The following AGAP3 variants were observed in gnomAD, a reference collection of about 807,000 sequenced individuals.
AGAP3 encodes the protein arf-GAP with GTPase, ANK repeat and PH domain-containing protein 3.
In AGAP3, 24 loss-of-function variants were observed where a neutral mutation model predicts 96.9. The ratio of observed to expected loss-of-function variants is 0.25; its 90% CI spans 0.18 to 0.35. The LOEUF (loss-of-function observed/expected upper bound fraction) is 0.35, where lower values mean the gene tolerates loss of function less well. Ranked by LOEUF, AGAP3 falls within the 10% of genes least tolerant of loss-of-function variation. AGAP3 has a pLI of 1.00. For synonymous variants in AGAP3, 563 were observed against 536.1 expected, an observed-to-expected ratio of 1.05 and a Z score of -0.69; for missense variants, 876 against 1,254.2, an observed-to-expected ratio of 0.70 and a Z score of 4.55.
At chr7:151,130,641 C>G (rs1239514032) in intron 10 of AGAP3, among the ~76,000 whole-genome samples, 2 of 152,106 alleles carry the variant, frequency 1.3e-5, no homozygotes, top group Non-Finnish European at 2.9e-5. Flanking sequence ...TTAGAATTCA[C>G]CCTGCAAGGC....
intron 1 of AGAP3, among the ~76,000 whole-genome samples, chr7:151,105,171 C>T (rs1798993425): frequency 6.6e-6 from 1 of 152,246 alleles, no homozygotes; most frequent in African/African-American, 2.4e-5. Flanking sequence ...TGTTCTTCCT[C>T]TGTATCCCCT....
intron 7 of AGAP3, among the ~76,000 whole-genome samples, chr7:151,119,543 A>G (rs752932442): frequency 7.2e-5 from 11 of 152,118 alleles, no homozygotes; most frequent in Admixed American, 7.2e-4. Context: ...GCCCTGGGCC[A>G]CCTCCGGCTC....
chr7:151,123,358 G>C, intron 8 of AGAP3: 2 of 1,042,924 alleles, frequency 1.9e-6, no homozygotes, highest in African/African-American at 1.7e-5. Flanking sequence ...GGGCCACGCC[G>C]ACGCGCTCGG....
intron 9 of AGAP3, among the ~76,000 whole-genome samples, chr7:151,127,852 G>A (rs1800241715): frequency 6.6e-6 from 1 of 152,180 alleles, no homozygotes; most frequent in Non-Finnish European, 1.5e-5. Context: ...GGTTTTAGGG[G>A]GCTTTTCCCC....
chr7:151,102,725 C>T (rs1281710155), intron 1 of AGAP3, among the ~76,000 whole-genome samples: 4 of 152,032 alleles, frequency 2.6e-5, no homozygotes, highest in Non-Finnish European at 5.9e-5. Context: ...AGGTGATCCT[C>T]CCACCTCAGC....
chr7:151,091,695 A>T (rs1321627658), intron 1 of AGAP3, among the ~76,000 whole-genome samples: 3 of 152,092 alleles, frequency 2.0e-5, no homozygotes, highest in Non-Finnish European at 4.4e-5. Context: ...GAACAGGAAG[A>T]CCTGTCCAGC....
chr7:151,097,358 C>T (rs921752700), intron 1 of AGAP3, among the ~76,000 whole-genome samples: 3 of 151,296 alleles, frequency 2.0e-5, no homozygotes, highest in Non-Finnish European at 4.4e-5. Flanking sequence ...TGGTGAAACC[C>T]GGCCTCTACT....
chr7:151,112,713 G>A (rs1441208350), intron 1 of AGAP3, among the ~76,000 whole-genome samples: 4 of 151,884 alleles, frequency 2.6e-5, no homozygotes, highest in Admixed American at 1.3e-4. Context: ...ATCCTCCCAC[G>A]TCAGCCTCTC....
intron 9 of AGAP3, among the ~76,000 whole-genome samples, chr7:151,124,616 G>A (rs1419536771): frequency 6.6e-6 from 1 of 152,188 alleles, no homozygotes; most frequent in African/African-American, 2.4e-5. Flanking sequence ...ATAGGCAGCC[G>A]TACTGCCAGG....
Position 151,114,917 on chromosome 7 carries a change from C to G in AGAP3, c.332-1876C>G. The G allele has an allele frequency of 2.0e-6, 2 of 989,494 alleles. No individual in the cohort carries two copies. Among genetic ancestry groups the G allele is most frequent in the Non-Finnish European group, 2.4e-6 (2 of 834,910 alleles). 61.3% of individuals were successfully genotyped at this position (989,494 alleles called of 1,614,324 possible). On this transcript the variant is annotated intron_variant, in intron 1 of 17. Coordinates refer to ENST00000397238, the MANE Select transcript of AGAP3 (RefSeq NM_031946.7). This position sits in a 1 kb window ranked among gnomAD's most constrained non-coding sequence, Gnocchi z 4.4. ...CCGCCCTGCAGGCCGCCCTCTGCGC[C>G]GCCAGTGAGCAGCCGGCGCGGCCGC... is the stretch of plus-strand genomic sequence containing the variant.
intron 1 of AGAP3, among the ~76,000 whole-genome samples, chr7:151,092,341 G>T (rs1585033682): frequency 6.6e-6 from 1 of 152,194 alleles, no homozygotes; most frequent in African/African-American, 2.4e-5. Context: ...TCCGTGTGTG[G>T]CATTGCCTAA....
intron 1 of AGAP3, chr7:151,112,214 G>C (rs1220973041): frequency 2.6e-5 from 4 of 152,222 alleles, no homozygotes; most frequent in Non-Finnish European, 5.9e-5. Context: ...AGTTTTCTGG[G>C]GAAAAGGACT....
intron 7 of AGAP3, among the ~76,000 whole-genome samples, chr7:151,119,707 C>T (rs557035645): frequency 6.6e-6 from 1 of 152,376 alleles, no homozygotes; most frequent in African/African-American, 2.4e-5. Context: ...CCAGCCTGTG[C>T]CTCTGACTTA....
chr7:151,103,025 T>C (rs1009721927), intron 1 of AGAP3, among the ~76,000 whole-genome samples: 2 of 152,244 alleles, frequency 1.3e-5, no homozygotes, highest in African/African-American at 4.8e-5. Context: ...GCACTCCAGC[T>C]TGGACTATAT....
Position 151,108,095 on chromosome 7 carries a change from G to C in AGAP3, c.332-8698G>C, listed in dbSNP as rs967812728. Among the ~76,000 whole-genome samples, 6 of 152,250 alleles carry C rather than the reference G, an allele frequency of 3.9e-5. No individual in the cohort carries two copies. Among genetic ancestry groups the C allele is most frequent in the African/African-American group, 1.2e-4 (5 of 41,466 alleles). On this transcript the variant is annotated intron_variant, in intron 1 of 17. Coordinates refer to ENST00000397238, the MANE Select transcript of AGAP3 (RefSeq NM_031946.7). The surrounding 1 kb of genome is among the most constrained non-coding windows in gnomAD (Gnocchi z 4.2). ...GCTAAGCCCACAGTTGCTGTTGCTG[G>C]TCAGAGCTGGAGTGGCGTCACGGGC...
At position 151,142,046 on chromosome 7, in the gene AGAP3, G is replaced by A; in HGVS notation, c.1953G>A (p.Lys651=). ...LASLQGCRSA[K]DKTRLGNQNA... is the part of the protein sequence containing the mutation. ...GCCTGCAAGGCTGCCGCAGTGCCAA[G>A]GACAAGGTGGGTACAGAGTGACTGG... Residue 651 remains lysine, a synonymous_variant, in exon 14 of 18, where the codon AAG becomes AAA. Coordinates refer to ENST00000397238, the MANE Select transcript of AGAP3 (RefSeq NM_031946.7). This position sits in a 1 kb window ranked among gnomAD's most constrained non-coding sequence, Gnocchi z 7.5. 6.2e-7 allele frequency: 1 copy of A among 1,613,500 alleles called. No homozygotes were observed. The highest frequency in any genetic ancestry group is 8.5e-7 in the Non-Finnish European group (1 of 1,179,608).
rs1016643141 is a variant in AGAP3, at chr7:151,122,995, G to C, written c.1129-799G>C. On this transcript the variant is annotated intron_variant, in intron 8 of 17. Coordinates refer to ENST00000397238, the MANE Select transcript of AGAP3 (RefSeq NM_031946.7). Reference sequence around the variant, plus strand: ...TGGGGGCTGCCGGGGACCAGGCCCGGCCGGACGCTGCAGGCTCGCTGCATG... The same window carrying C: ...TGGGGGCTGCCGGGGACCAGGCCCGCCCGGACGCTGCAGGCTCGCTGCATG... 6.0e-5 allele frequency: 85 copies of C among 1,416,112 alleles called. No homozygotes were observed. The African/African-American group carries it at 1.0e-3, about 17-fold the overall frequency. 87.7% of individuals were successfully genotyped at this position (1,416,112 alleles called of 1,614,324 possible).
chr7:151,131,465 CGTG>C (rs1800399039), intron 10 of AGAP3, among the ~76,000 whole-genome samples: 2 of 152,152 alleles, frequency 1.3e-5, no homozygotes, highest in Admixed American at 6.5e-5. Context: ...TAAAGGCAGC[CGTG>C]GTGACCGCTC....
intron 1 of AGAP3, among the ~76,000 whole-genome samples, chr7:151,109,472 T>G (rs532717682): frequency 6.6e-6 from 1 of 152,330 alleles, no homozygotes; most frequent in South Asian, 2.1e-4. Context: ...CTTCCTGGCT[T>G]GTCGATGCCG....
Sources: allele counts gnomAD v4.1 joint callset (sites outside exome capture counted in the v4.1 genomes callset), GRCh38; gene constraint gnomAD v4.1.1; non-coding constraint Gnocchi (gnomAD v3.1); transcripts MANE v1.5; gene names NCBI Gene and HGNC (gene_info 2026-07-23, HGNC 2026-07-21).